Variants in ZNF354C observed in about 807,000 individuals in gnomAD.
The protein encoded by ZNF354C is KRAB-zinc finger protein synten.
A neutral mutation model predicts 12.4 loss-of-function variants in ZNF354C; 7 were observed. The observed-to-expected ratio is 0.56, with a 90% confidence interval of 0.32 to 1.06. The LOEUF is 1.06. Among genes scored for constraint, ZNF354C ranks in the 50% least tolerant of loss-of-function variants. The pLI, the probability that ZNF354C is intolerant of heterozygous loss-of-function variation, is 0.04. For missense variants in ZNF354C, 609 were observed against 658.0 expected, an observed-to-expected ratio of 0.93 and a Z score of 0.81; for synonymous variants, 202 against 224.5, an observed-to-expected ratio of 0.90 and a Z score of 0.90.
chr5:179,070,841 C>T (rs889489194), intron 2 of ZNF354C, among the ~76,000 whole-genome samples: 3 of 75,458 alleles, frequency 4.0e-5, no homozygotes, highest in Admixed American at 3.6e-4. Context: ...CTTGATCGCT[C>T]TTTTTTTTTT....
intron 3 of ZNF354C, 124 bp downstream of exon 3, chr5:179,076,695 G>A (rs778550513): frequency 1.0e-5 from 13 of 1,248,882 alleles, no homozygotes; most frequent in Non-Finnish European, 1.5e-5. Flanking sequence ...TTGCTGTAGA[G>A]TGGAAAGTGT....
chr5:179,080,222 CATG>C lies in ZNF354C; in HGVS notation c.*128_*130del. 1 of 664,106 alleles carries C rather than the reference CATG, an allele frequency of 1.5e-6. No individual in the cohort carries two copies. The highest frequency in any genetic ancestry group is 2.7e-5 in the South Asian group (1 of 36,464). The allele number at this position is 664,106 out of a possible 1,614,324, so 41.1% of individuals were successfully genotyped here. On this transcript the variant is annotated 3_prime_UTR_variant, in exon 5 of 5. Transcript: ENST00000315475. ...GGAAATATGTTAGTTGCCACTAAGT[CATG>C]ATAAAATTGATCAGTGAGACTATGA...
Position 179,082,741 on chromosome 5 carries a change from T to A in ZNF354C, c.*2644T>A, listed in dbSNP as rs1280960012. ...AACCCCATTGAGTTATCTGGTCCCC[T>A]TGGCTGACGAAGAGCCATTAGGCGA... On this transcript the variant is annotated 3_prime_UTR_variant, in exon 5 of 5. Transcript: ENST00000315475. 27 of 1,492,828 alleles carry A rather than the reference T, an allele frequency of 1.8e-5. No individual in the cohort carries two copies. The highest frequency in any genetic ancestry group is 2.4e-5 in the Non-Finnish European group (26 of 1,071,782). The allele number at this position is 1,492,828 out of a possible 1,614,324, so 92.5% of individuals were successfully genotyped here.
chr5:179,078,368 T>A (rs1202437960), intron 4 of ZNF354C, among the ~76,000 whole-genome samples: 1 of 152,188 alleles, frequency 6.6e-6, no homozygotes, highest in Non-Finnish European at 1.5e-5. Flanking sequence ...CAGCGTGGGC[T>A]TATCATTTGG....
Position 179,078,894 on chromosome 5 carries a change from C to T in ZNF354C, c.462C>T (p.Ile154=). 1 of 1,614,100 alleles carries T rather than the reference C, an allele frequency of 6.2e-7. No homozygotes were observed. The highest frequency in any genetic ancestry group is 8.5e-7 in the Non-Finnish European group (1 of 1,180,000). The change falls in exon 5 of 5, where the codon ATC becomes ATT. Residue 154 remains isoleucine, a synonymous_variant. Transcript: ENST00000315475. ...TGATAGATTCGCATGAGAAAACCAT[C>T]AGTGAAGATGGAAACCATACAAGTC... ...RQMIDSHEKT[I]SEDGNHTSLE...
intron 2 of ZNF354C, among the ~76,000 whole-genome samples, chr5:179,062,568 G>T (rs1013438772): frequency 1.3e-5 from 2 of 152,200 alleles, no homozygotes; most frequent in African/African-American, 4.8e-5. Flanking sequence ...ATCGATCTTA[G>T]GAAACATGAT....
intron 2 of ZNF354C, among the ~76,000 whole-genome samples, chr5:179,070,426 AG>A (rs773447596): frequency 2.0e-5 from 3 of 152,174 alleles, no homozygotes; most frequent in Non-Finnish European, 4.4e-5. Flanking sequence ...CAAAAGCAGT[AG>A]CTGTCTTGTG....
chr5:179,079,224 A>G lies in ZNF354C; in HGVS notation c.792A>G (p.Arg264=). 6.2e-7 allele frequency: 1 copy of G among 1,614,024 alleles called. No homozygotes were observed. Among genetic ancestry groups the G allele is most frequent in the Non-Finnish European group, 8.5e-7 (1 of 1,179,984 alleles). ...GATCATCCCTTCTTTCTCATCAGAGAATTCATACTGGAGAGAAACCTTACA... is the reference window on the plus strand; with the variant it reads ...GATCATCCCTTCTTTCTCATCAGAGGATTCATACTGGAGAGAAACCTTACA... ...SHRSSLLSHQ[R]IHTGEKPYKC... The change falls in exon 5 of 5, where the codon AGA becomes AGG. Residue 264 remains arginine, a synonymous_variant. Transcript: ENST00000315475. This position sits in a 1 kb window ranked among gnomAD's most constrained non-coding sequence, Gnocchi z 4.2.
Position 179,080,001 on chromosome 5 carries a change from CTA to C in ZNF354C, c.1572_1573del (p.Tyr524Ter), listed in dbSNP as rs1762201677. 2 of 1,613,876 alleles carry C rather than the reference CTA, an allele frequency of 1.2e-6. No individual in the cohort carries two copies. Among genetic ancestry groups the C allele is most frequent in the African/African-American group, 2.7e-5 (2 of 75,018 alleles). ...AAAAAGTTCACACGAAAGAGAAACTCTATAAGTGGAAGGAATATGGGAAACCT... is the reference window on the plus strand; with the variant it reads ...AAAAAGTTCACACGAAAGAGAAACTCTAAGTGGAAGGAATATGGGAAACCT... ...HKKVHTKEKL[Y>X]KWKEYGKPFI... On this transcript the variant is annotated frameshift_variant, in exon 5 of 5. Transcript: ENST00000315475. LOFTEE classifies it low-confidence loss of function (END_TRUNC).
At chr5:179,077,809 CTTT>C (rs1422265959) in intron 4 of ZNF354C, among the ~76,000 whole-genome samples, 2 of 121,302 alleles carry the variant, frequency 1.6e-5, no homozygotes, top group Non-Finnish European at 1.7e-5. Flanking sequence ...CCCCCCACTC[CTTT>C]TTTTTTTTTT....
intron 2 of ZNF354C, among the ~76,000 whole-genome samples, chr5:179,069,832 C>CCGCAG (rs1762024468): frequency 6.6e-6 from 1 of 152,182 alleles, no homozygotes; most frequent in Non-Finnish European, 1.5e-5. Context: ...CGCCCCTGCA[C>CCGCAG]TCCAGCCTGG....
intron 2 of ZNF354C, among the ~76,000 whole-genome samples, chr5:179,066,667 T>G (rs1260091148): frequency 1.3e-5 from 2 of 152,246 alleles, no homozygotes; most frequent in African/African-American, 2.4e-5. Flanking sequence ...TTAAATATTT[T>G]GTTTCACTCT....
At position 179,079,258 on chromosome 5, in the gene ZNF354C, G is replaced by C; in HGVS notation, c.826G>C (p.Glu276Gln). Residue 276 changes from glutamate (E) to glutamine (Q), a missense_variant, in exon 5 of 5, where the codon GAA becomes CAA. By Grantham distance (29) the Glu-to-Gln change is conservative. Coordinates refer to ENST00000315475, the MANE Select transcript of ZNF354C (RefSeq NM_014594.3). The surrounding 1 kb of genome is among the most constrained non-coding windows in gnomAD (Gnocchi z 4.2). Reference protein sequence around the residue: ...HTGEKPYKCNECEKAFSNSST... With the variant: ...HTGEKPYKCNQCEKAFSNSST... ...TGGAGAGAAACCTTACAAGTGTAAT[G>C]AATGTGAGAAGGCATTTAGCAACAG... 2 of 1,614,094 alleles carry C rather than the reference G, an allele frequency of 1.2e-6. No homozygotes were observed. The highest frequency in any genetic ancestry group is 1.6e-4 in the Middle Eastern group (1 of 6,062).
rs140411509 is a variant in ZNF354C at position 179,082,804 on chromosome 5, G to A, written c.*2707G>A. ...TCATCCAGGGTGATGTTCTTCAAGC[G>A]ACTGACCAACCGATCAGGTCGAGGA... On this transcript the variant is annotated 3_prime_UTR_variant, in exon 5 of 5. Transcript: ENST00000315475. 4.1e-3 allele frequency: 5,603 copies of A among 1,350,322 alleles called. 18 individuals are homozygous for A. The highest frequency in any genetic ancestry group is 5.5e-3 in the Admixed American group (327 of 59,492). 83.6% of individuals were successfully genotyped at this position (1,350,322 alleles called of 1,614,324 possible). A position where few individuals can be genotyped will look rare whatever the true frequency, so the allele number is the denominator to read the frequency against.
rs1021306311 is a variant in ZNF354C at position 179,080,863 on chromosome 5, G to C, written c.*766G>C. On this transcript the variant is annotated 3_prime_UTR_variant, in exon 5 of 5. Coordinates refer to ENST00000315475, the MANE Select transcript of ZNF354C (RefSeq NM_014594.3). ...ATTAACTGAAGCAGCTGGAAAGACT[G>C]TCAAGCACATACTTTGTTATCTGTT... 1 of 152,290 alleles carries C rather than the reference G, an allele frequency of 6.6e-6. No individual in the cohort carries two copies. Among genetic ancestry groups the C allele is most frequent in the Admixed American group, 6.5e-5 (1 of 15,292 alleles). 9.4% of individuals were successfully genotyped at this position (152,290 alleles called of 1,614,324 possible). A position where few individuals can be genotyped will look rare whatever the true frequency, so the allele number is the denominator to read the frequency against.
intron 2 of ZNF354C, among the ~76,000 whole-genome samples, chr5:179,072,306 T>A (rs1762062823): frequency 6.8e-6 from 1 of 147,832 alleles, no homozygotes; most frequent in South Asian, 2.2e-4. Context: ...AAAAAAAAAA[T>A]TACTGAATAG....
chr5:179,079,662 AC>A lies in ZNF354C; in HGVS notation c.1232del (p.Pro411LeufsTer73). On this transcript the variant is annotated frameshift_variant, in exon 5 of 5. Transcript: ENST00000315475. LOFTEE classifies it low-confidence loss of function (END_TRUNC). The surrounding 1 kb of genome is among the most constrained non-coding windows in gnomAD (Gnocchi z 4.2). Reference sequence around the variant, plus strand: ...ATCAGCGAATTCACACTGGACAAAAACCTTATCAGTGCAACGAATGTGAGAA... The same window carrying A: ...ATCAGCGAATTCACACTGGACAAAAACTTATCAGTGCAACGAATGTGAGAA... ...EHQRIHTGQK[P>X]YQCNECEKAF... The A allele has an allele frequency of 6.2e-7, 1 of 1,614,174 alleles. No individual in the cohort carries two copies. The highest frequency in any genetic ancestry group is 8.5e-7 in the Non-Finnish European group (1 of 1,180,024).
Position 179,078,827 on chromosome 5 carries a change from G to A in ZNF354C, c.395G>A (p.Ser132Asn), listed in dbSNP as rs1762167441. 13 of 1,614,120 alleles carry A rather than the reference G, an allele frequency of 8.1e-6. No individual in the cohort carries two copies. Among genetic ancestry groups the A allele is most frequent in the African/African-American group, 1.3e-5 (1 of 75,052 alleles). The change falls in exon 5 of 5, where the codon AGC becomes AAC. Residue 132 changes from serine to asparagine, a missense_variant. Transcript: ENST00000315475. Reference sequence around the variant, plus strand: ...TTTGAAGAAGCTGTGGAATTTGAGAGCGAGATAGAAGAAGAGCAAGAGAAG... The same window carrying A: ...TTTGAAGAAGCTGTGGAATTTGAGAACGAGATAGAAGAAGAGCAAGAGAAG... ...INFEEAVEFE[S>N]EIEEEQEKKP...
Position 179,080,167 on chromosome 5 carries a change from A to G in ZNF354C, c.*70A>G. 1 of 1,188,414 alleles carries G rather than the reference A, an allele frequency of 8.4e-7. No homozygotes were observed. Among genetic ancestry groups the G allele is most frequent in the Non-Finnish European group, 1.2e-6 (1 of 854,304 alleles). 73.6% of individuals were successfully genotyped at this position (1,188,414 alleles called of 1,614,324 possible). On this transcript the variant is annotated 3_prime_UTR_variant, in exon 5 of 5. Coordinates refer to ENST00000315475, the MANE Select transcript of ZNF354C (RefSeq NM_014594.3). ...AATAATAAATAGGGTACAAACTCCT[A>G]ATAGATTTGTCTTTTTTACTTCTCC...
Sources: allele counts gnomAD v4.1 joint callset (sites outside exome capture counted in the v4.1 genomes callset), GRCh38; gene constraint gnomAD v4.1.1; non-coding constraint Gnocchi (gnomAD v3.1); transcripts MANE v1.5; gene names NCBI Gene and HGNC (gene_info 2026-07-23, HGNC 2026-07-21).